The following AGPAT4 variants were observed in gnomAD, a reference collection of about 807,000 sequenced individuals.
The protein encoded by AGPAT4 is 1-acyl-sn-glycerol-3-phosphate acyltransferase delta.
Under a neutral mutation model 48.0 loss-of-function variants are expected in AGPAT4, and 15 were observed. The ratio of observed to expected loss-of-function variants is 0.31; its 90% CI spans 0.21 to 0.48. AGPAT4 has a LOEUF of 0.48. Ranked by LOEUF, AGPAT4 falls within the 20% of genes least tolerant of loss-of-function variation. The pLI, the probability that AGPAT4 is intolerant of heterozygous loss-of-function variation, is 0.99. For missense variants in AGPAT4, 314 were observed against 482.5 expected (o/e 0.65, Z 3.27); for synonymous variants, 178 against 198.7 (o/e 0.90, Z 0.88).
chr6:161,160,918 G>A (rs1191057345), intron 3 of AGPAT4: 1 of 437,456 alleles, frequency 2.3e-6, no homozygotes, highest in Non-Finnish European at 4.6e-6. Flanking sequence ...AGGAGCGATT[G>A]GCCTCGCCCA....
chr6:161,174,793 T>A (rs571180298), intron 2 of AGPAT4, among the ~76,000 whole-genome samples: 5 of 152,236 alleles, frequency 3.3e-5, no homozygotes, highest in African/African-American at 1.2e-4. Context: ...CTGCCATAAA[T>A]AGCTCTTATG....
rs951746297 is a variant in AGPAT4, at chr6:161,236,730, A to G, written c.-89-4428T>C. 5.5e-5 allele frequency among the ~76,000 whole-genome samples: 8 copies of G among 146,666 alleles called. No homozygotes were observed. The highest frequency in any genetic ancestry group is 2.0e-4 in the African/African-American group (8 of 40,024). ...ACCAGCCTGGTGAAACCCCATCTCC[A>G]CTAAAAATACAAAAAAAAAAAAATA... On this transcript the variant is annotated intron_variant, in intron 1 of 8. Coordinates refer to ENST00000320285, the MANE Select transcript of AGPAT4 (RefSeq NM_020133.3). This position sits in a 1 kb window ranked among gnomAD's most constrained non-coding sequence, Gnocchi z 5.0.
rs1335067250 is a variant in AGPAT4 at position 161,141,603 on chromosome 6, CT to C, written c.844-1984del. ...TTGTTTTTTTTTAAAAAAAAAACAG[CT>C]TTCTTAAGATGTCACTTACATGCCA... On this transcript the variant is annotated intron_variant, in intron 7 of 8. Coordinates refer to ENST00000320285, the MANE Select transcript of AGPAT4 (RefSeq NM_020133.3). The surrounding 1 kb of genome is among the most constrained non-coding windows in gnomAD (Gnocchi z 6.7). Among the ~76,000 whole-genome samples the C allele has an allele frequency of 6.6e-6, 1 of 151,888 alleles. No individual in the cohort carries two copies. The highest frequency in any genetic ancestry group is 6.6e-5 in the Admixed American group (1 of 15,250).
At position 161,159,932 on chromosome 6, in the gene AGPAT4, CTTTTCT is replaced by C. The variant is rs1779875864; in HGVS notation, c.349-5628_349-5623del. On this transcript the variant is annotated intron_variant, in intron 3 of 8. Coordinates refer to ENST00000320285, the MANE Select transcript of AGPAT4 (RefSeq NM_020133.3). The surrounding 1 kb of genome is among the most constrained non-coding windows in gnomAD (Gnocchi z 4.1). ...TACAGGTGTGAGCCACCAAACCTGG[CTTTTCT>C]TTTTTTTTTCTTTTTTTGAGATGGA... 7.7e-6 allele frequency among the ~76,000 whole-genome samples: 1 copy of C among 129,330 alleles called. No individual in the cohort carries two copies. The highest frequency in any genetic ancestry group is 3.7e-5 in the African/African-American group (1 of 26,946). 84.8% of individuals were successfully genotyped at this position (129,330 alleles called of 152,430 possible).
rs184031012 is a variant in AGPAT4, at chr6:161,149,762, G to T, written c.665-473C>A. On this transcript the variant is annotated intron_variant, in intron 5 of 8. Coordinates refer to ENST00000320285, the MANE Select transcript of AGPAT4 (RefSeq NM_020133.3). This position sits in a 1 kb window ranked among gnomAD's most constrained non-coding sequence, Gnocchi z 6.5. Reference sequence around the variant, plus strand: ...TCACCATGTTGGTCAGACTGGTCTTGAACTCCTGACCTCAAGTGCTCTGCC... The same window carrying T: ...TCACCATGTTGGTCAGACTGGTCTTTAACTCCTGACCTCAAGTGCTCTGCC... Among the ~76,000 whole-genome samples the T allele has an allele frequency of 4.2e-3, 636 of 152,182 alleles. 4 individuals carry two copies. Among genetic ancestry groups the T allele is most frequent in the African/African-American group, 0.014 (591 of 41,520 alleles).
At chr6:161,211,250 T>C (rs1010493495) in intron 2 of AGPAT4, among the ~76,000 whole-genome samples, 10 of 152,196 alleles carry the variant, frequency 6.6e-5, no homozygotes, top group Admixed American at 2.6e-4. Context: ...AATCTAAAGT[T>C]ATATTAAATT....
chr6:161,230,079 G>C (rs11970608), intron 2 of AGPAT4, among the ~76,000 whole-genome samples: 27,452 of 152,118 alleles, frequency 0.18, 2,799 homozygotes, highest in Non-Finnish European at 0.23. Flanking sequence ...AATCTGCCTT[G>C]CTTTCTGAAT....
chr6:161,248,280 A>G (rs1050925943), intron 1 of AGPAT4, among the ~76,000 whole-genome samples: 29 of 152,300 alleles, frequency 1.9e-4, no homozygotes, highest in African/African-American at 6.7e-4. Flanking sequence ...GCCACAAAAA[A>G]GAATAAAATA....
In AGPAT4 at chr6:161,177,712, G is replaced by C. The variant is rs542236437; in HGVS notation, c.179-11295C>G. Among the ~76,000 whole-genome samples, 4 of 152,180 alleles carry C rather than the reference G, an allele frequency of 2.6e-5. No homozygotes were observed. In the South Asian group the frequency reaches 8.3e-4, roughly 32 times the overall value. On this transcript the variant is annotated intron_variant, in intron 2 of 8. Transcript: ENST00000320285. This position sits in a 1 kb window ranked among gnomAD's most constrained non-coding sequence, Gnocchi z 5.0. The stretch of plus-strand genomic sequence containing the variant: ...TGCTGCGAGGAGCTGCATTCCTTTG[G>C]AGTAGAAGAGGCACTCTGATTTTTA...
chr6:161,171,569 C>A lies in AGPAT4; in HGVS notation c.179-5152G>T, dbSNP rs1033610363. Reference sequence around the variant, plus strand: ...CATGACCTAATCACCTCTTAAAGGCCCCACATCTCAACACTGTTGCATTGG... The same window carrying A: ...CATGACCTAATCACCTCTTAAAGGCACCACATCTCAACACTGTTGCATTGG... On this transcript the variant is annotated intron_variant, in intron 2 of 8. Transcript: ENST00000320285. The surrounding 1 kb of genome is among the most constrained non-coding windows in gnomAD (Gnocchi z 4.4). Among the ~76,000 whole-genome samples the A allele has an allele frequency of 6.6e-6, 1 of 152,108 alleles. No homozygotes were observed. The highest frequency in any genetic ancestry group is 2.4e-5 in the African/African-American group (1 of 41,410).
chr6:161,153,264 G>A, intron 5 of AGPAT4, 82 bp downstream of exon 5: 1 of 1,506,448 alleles, frequency 6.6e-7, no homozygotes. Flanking sequence ...GTGCTGGCAG[G>A]AAGCAAGCTC....
chr6:161,218,739 A>G lies in AGPAT4; in HGVS notation c.178+13297T>C, dbSNP rs1781725449. On this transcript the variant is annotated intron_variant, in intron 2 of 8. Transcript: ENST00000320285. This position sits in a 1 kb window ranked among gnomAD's most constrained non-coding sequence, Gnocchi z 4.7. The stretch of plus-strand genomic sequence containing the variant: ...ATAACTGCTGTCCTCAACACTTTCC[A>G]TATCATGTAACCATATACTCTGAGG... Among the ~76,000 whole-genome samples, 1 of 152,264 alleles carries G rather than the reference A, an allele frequency of 6.6e-6. No homozygotes were observed. The highest frequency in any genetic ancestry group is 1.5e-5 in the Non-Finnish European group (1 of 68,054).
In AGPAT4 at chr6:161,236,197, C is replaced by T. The variant is rs1032675613; in HGVS notation, c.-89-3895G>A. 6.6e-6 allele frequency among the ~76,000 whole-genome samples: 1 copy of T among 151,808 alleles called. No homozygotes were observed. Among genetic ancestry groups the T allele is most frequent in the Admixed American group, 6.6e-5 (1 of 15,228 alleles). On this transcript the variant is annotated intron_variant, in intron 1 of 8. Coordinates refer to ENST00000320285, the MANE Select transcript of AGPAT4 (RefSeq NM_020133.3). The surrounding 1 kb of genome is among the most constrained non-coding windows in gnomAD (Gnocchi z 5.0). ...ACAAAGAACTTATGCTGTTTCTGAG[C>T]ATATCAGAGCGCTACTTACAGAGTT...
At position 161,165,923 on chromosome 6, in the gene AGPAT4, C is replaced by G. The variant is rs1780083300; in HGVS notation, c.348+325G>C. 4 of 601,004 alleles carry G rather than the reference C, an allele frequency of 6.7e-6. No individual in the cohort carries two copies. The highest frequency in any genetic ancestry group is 3.7e-5 in the African/African-American group (2 of 53,810). 37.2% of individuals were successfully genotyped at this position (601,004 alleles called of 1,614,324 possible). On this transcript the variant is annotated intron_variant, in intron 3 of 8. Transcript: ENST00000320285. This position sits in a 1 kb window ranked among gnomAD's most constrained non-coding sequence, Gnocchi z 5.5. The stretch of plus-strand genomic sequence containing the variant: ...CTAATTACAGCTGTGTGACTCTGAG[C>G]CGAATATTAAGCTCTATATAACTTA...
rs184793674 is a variant in AGPAT4, at chr6:161,138,904, C to T, written c.1042+518G>A. Among the ~76,000 whole-genome samples, 4 of 152,196 alleles carry T rather than the reference C, an allele frequency of 2.6e-5. No individual in the cohort carries two copies. In the East Asian group the frequency reaches 5.8e-4, roughly 22 times the overall value. On this transcript the variant is annotated intron_variant, in intron 8 of 8. Coordinates refer to ENST00000320285, the MANE Select transcript of AGPAT4 (RefSeq NM_020133.3). This position sits in a 1 kb window ranked among gnomAD's most constrained non-coding sequence, Gnocchi z 4.8. ...TTGCCACCAAGAAGCAGCAGTAGCCCGAGAATACCGGTCACCTGGAGCCAG... is the reference window on the plus strand; with the variant it reads ...TTGCCACCAAGAAGCAGCAGTAGCCTGAGAATACCGGTCACCTGGAGCCAG...
Position 161,146,544 on chromosome 6 carries a change from G to A in AGPAT4, c.823C>T (p.His275Tyr), listed in dbSNP as rs538078412. Residue 275 changes from histidine (H) to tyrosine (Y), a missense_variant, in exon 7 of 9, where the codon CAC becomes TAC. Physicochemically the swap from His to Tyr is moderately conservative, Grantham distance 83. Transcript: ENST00000320285. The surrounding 1 kb of genome is among the most constrained non-coding windows in gnomAD (Gnocchi z 7.1). ...EDDDECSAWL[H>Y]KLYQEKDAFQ... is the part of the protein sequence containing the mutation. ...CTGACCTTCTCCTGGTAGAGCTTGT[G>A]CAGCCAGGCCGAGCACTCGTCATCG... 3 of 1,614,014 alleles carry A rather than the reference G, an allele frequency of 1.9e-6. No homozygotes were observed. The highest frequency in any genetic ancestry group is 2.7e-5 in the African/African-American group (2 of 75,008).
chr6:161,186,599 A>T (rs1429577441), intron 2 of AGPAT4, among the ~76,000 whole-genome samples: 1 of 152,048 alleles, frequency 6.6e-6, no homozygotes, highest in Non-Finnish European at 1.5e-5. Flanking sequence ...CCCGCTCCGC[A>T]TGCCAGTCTC....
chr6:161,225,044 C>G lies in AGPAT4; in HGVS notation c.178+6992G>C, dbSNP rs565183974. ...CCCTGACTCCTTCCAACTACCTGCT[C>G]CACCCTGACTCATTCCGATTACCTG... On this transcript the variant is annotated intron_variant, in intron 2 of 8. Coordinates refer to ENST00000320285, the MANE Select transcript of AGPAT4 (RefSeq NM_020133.3). This position sits in a 1 kb window ranked among gnomAD's most constrained non-coding sequence, Gnocchi z 5.0. 6.6e-6 allele frequency among the ~76,000 whole-genome samples: 1 copy of G among 151,982 alleles called. No individual in the cohort carries two copies. Among genetic ancestry groups the G allele is most frequent in the African/African-American group, 2.4e-5 (1 of 41,348 alleles).
chr6:161,176,780 G>A (rs888621950), intron 2 of AGPAT4, among the ~76,000 whole-genome samples: 9 of 152,124 alleles, frequency 5.9e-5, no homozygotes, highest in Non-Finnish European at 7.3e-5. Context: ...GGCTGGTACC[G>A]GTTGTTCCAT....
Sources: allele counts gnomAD v4.1 joint callset (sites outside exome capture counted in the v4.1 genomes callset), GRCh38; gene constraint gnomAD v4.1.1; non-coding constraint Gnocchi (gnomAD v3.1); transcripts MANE v1.5; gene names NCBI Gene and HGNC (gene_info 2026-07-23, HGNC 2026-07-21).